Variants in ZNF704 observed in about 807,000 individuals in gnomAD.
ZNF704 encodes the protein zinc finger protein 704.
In ZNF704, 10 loss-of-function variants were observed where a neutral mutation model predicts 44.7. The ratio of observed to expected loss-of-function variants is 0.22; its 90% CI spans 0.14 to 0.38. The LOEUF (loss-of-function observed/expected upper bound fraction) is 0.38. Ranked by LOEUF, ZNF704 falls within the 10% of genes least tolerant of loss-of-function variation. The pLI is 1.00. For missense variants in ZNF704, 390 were observed against 545.5 expected (o/e 0.71, Z 2.84); for synonymous variants, 211 against 207.6 (o/e 1.02, Z -0.14).
intron 6 of ZNF704, among the ~76,000 whole-genome samples, chr8:80,661,456 G>A (rs1312720818): frequency 6.6e-6 from 1 of 152,100 alleles, no homozygotes; most frequent in Non-Finnish European, 1.5e-5. Flanking sequence ...TTATCTAAAG[G>A]AAAGGAAATC....
chr8:80,860,724 G>A (rs1809045851), intron 1 of ZNF704, among the ~76,000 whole-genome samples: 1 of 152,156 alleles, frequency 6.6e-6, no homozygotes, highest in Admixed American at 6.5e-5. Flanking sequence ...TAACCAAAAC[G>A]ACAAGATGCA....
At chr8:80,651,477 C>A (rs1327752561) in intron 7 of ZNF704, among the ~76,000 whole-genome samples, 1 of 152,030 alleles carries the variant, frequency 6.6e-6, no homozygotes, top group Non-Finnish European at 1.5e-5. Context: ...GAAAGATCTA[C>A]CAAGCAAATG....
intron 2 of ZNF704, among the ~76,000 whole-genome samples, chr8:80,756,606 CACTTGGTTTA>C (rs1807040330): frequency 6.6e-6 from 1 of 152,194 alleles, no homozygotes; most frequent in Non-Finnish European, 1.5e-5. Flanking sequence ...TTCAGAAACT[CACTTGGTTTA>C]ACAACCTAAA....
intron 2 of ZNF704, among the ~76,000 whole-genome samples, chr8:80,746,520 G>T (rs1260216728): frequency 6.6e-6 from 1 of 152,110 alleles, no homozygotes; most frequent in Non-Finnish European, 1.5e-5. Context: ...AGCACCTTGG[G>T]CAAGATGTTT....
chr8:80,740,110 T>A (rs1806732166), intron 2 of ZNF704, among the ~76,000 whole-genome samples: 1 of 152,186 alleles, frequency 6.6e-6, no homozygotes, highest in South Asian at 2.1e-4. Flanking sequence ...CAAAGGGTCC[T>A]AGGACAGGCA....
At chr8:80,655,363 A>G (rs1459165676) in intron 7 of ZNF704, among the ~76,000 whole-genome samples, 4 of 151,900 alleles carry the variant, frequency 2.6e-5, no homozygotes, top group Non-Finnish European at 5.9e-5. Flanking sequence ...ACGTATTTGG[A>G]AAGTTCCCAG....
chr8:80,754,162 G>C (rs904909665), intron 2 of ZNF704, among the ~76,000 whole-genome samples: 2 of 151,952 alleles, frequency 1.3e-5, no homozygotes, highest in Middle Eastern at 3.4e-3. Context: ...TGTATTTTCT[G>C]AACTATTTTT....
intron 7 of ZNF704, among the ~76,000 whole-genome samples, chr8:80,650,211 GA>G (rs201399863): frequency 6.6e-6 from 1 of 152,024 alleles, no homozygotes; most frequent in Non-Finnish European, 1.5e-5. Flanking sequence ...CAAAGATGGG[GA>G]AAAAACAGCA....
intron 2 of ZNF704, among the ~76,000 whole-genome samples, chr8:80,729,001 A>G (rs528821255): frequency 7.9e-5 from 12 of 152,332 alleles, no homozygotes; most frequent in African/African-American, 2.9e-4. Flanking sequence ...TTATGAAAAT[A>G]TTTAAGGAAG....
chr8:80,858,967 T>C (rs1325106635), intron 1 of ZNF704, among the ~76,000 whole-genome samples: 1 of 152,216 alleles, frequency 6.6e-6, no homozygotes, highest in Non-Finnish European at 1.5e-5. Flanking sequence ...ATTAACTAGA[T>C]TAAGCTGTTT....
At chr8:80,682,216 A>G (rs7829424) in intron 4 of ZNF704, among the ~76,000 whole-genome samples, 17,771 of 152,202 alleles carry the variant, frequency 0.12, 3,476 homozygotes, top group African/African-American at 0.4. Flanking sequence ...AGCCATTCAC[A>G]ATTTAAAGTG....
chr8:80,795,198 A>G (rs1258060557), intron 2 of ZNF704, among the ~76,000 whole-genome samples: 1 of 152,188 alleles, frequency 6.6e-6, no homozygotes, highest in East Asian at 1.9e-4. Context: ...TGAAGAGACA[A>G]TGCAAATGAA....
chr8:80,728,059 A>C lies in ZNF704; in HGVS notation c.222-34952T>G, dbSNP rs554607852. 7.1e-4 allele frequency among the ~76,000 whole-genome samples: 108 copies of C among 152,304 alleles called. 1 individual carries two copies. The highest frequency in any genetic ancestry group is 8.9e-4 in the African/African-American group (37 of 41,558). On this transcript the variant is annotated intron_variant, in intron 2 of 8. Transcript: ENST00000327835. Reference sequence around the variant, plus strand: ...ATTTTTTAGCTCAAGAGTATAAAAAACACCACAGCAATAATATTAAATAAT... The same window carrying C: ...ATTTTTTAGCTCAAGAGTATAAAAACCACCACAGCAATAATATTAAATAAT...
intron 2 of ZNF704, 100 bp downstream of exon 2, chr8:80,821,274 A>G: frequency 8.0e-7 from 1 of 1,245,168 alleles, no homozygotes; most frequent in Middle Eastern, 1.9e-4. Context: ...AACCTTTCAT[A>G]TGTCTATATA....
At chr8:80,797,389 T>G (rs1426861034) in intron 2 of ZNF704, among the ~76,000 whole-genome samples, 3 of 152,154 alleles carry the variant, frequency 2.0e-5, no homozygotes. Context: ...CTGCAAAAAG[T>G]CTTCTGCCTG....
intron 2 of ZNF704, among the ~76,000 whole-genome samples, chr8:80,779,320 C>A (rs546006734): frequency 1.4e-4 from 21 of 152,326 alleles, no homozygotes; most frequent in African/African-American, 3.8e-4. Context: ...TGGCTCACTG[C>A]AACCCCTGCC....
At chr8:80,805,103 C>A (rs982233127) in intron 2 of ZNF704, among the ~76,000 whole-genome samples, 1 of 152,080 alleles carries the variant, frequency 6.6e-6, no homozygotes, top group African/African-American at 2.4e-5. Context: ...CTGAAGTAGG[C>A]AAGGACTAGG....
At chr8:80,867,509 T>A (rs545743042) in intron 1 of ZNF704, among the ~76,000 whole-genome samples, 1 of 151,862 alleles carries the variant, frequency 6.6e-6, no homozygotes, top group African/African-American at 2.4e-5. Flanking sequence ...GGACCAGGCA[T>A]ACCACCCTGC....
chr8:80,716,762 A>G (rs1347546506), intron 2 of ZNF704, among the ~76,000 whole-genome samples: 1 of 152,202 alleles, frequency 6.6e-6, no homozygotes, highest in Non-Finnish European at 1.5e-5. Flanking sequence ...TGTTCCTAAA[A>G]TCTGAAAACA....
Sources: gnomAD v4.1 joint callset for allele counts (sites outside exome capture counted in the v4.1 genomes callset) on GRCh38, gnomAD v4.1.1 for gene constraint, MANE v1.5 for transcripts, NCBI Gene and HGNC (gene_info 2026-07-23, HGNC 2026-07-21) for gene names.